ACTL8: variants seen among roughly 807,000 people sequenced by gnomAD.
The protein encoded by ACTL8 is actin-like protein 8.
Under a neutral mutation model 9.3 loss-of-function variants are expected in ACTL8, and 3 were observed. The observed-to-expected ratio is 0.32, with a 90% CI of 0.15 to 0.83. The LOEUF is 0.83. ACTL8 is among the 40% of genes least tolerant of loss of function. ACTL8 has a pLI of 0.57. For missense variants in ACTL8, 381 were observed against 492.2 expected, an observed-to-expected ratio of 0.77 and a Z score of 2.14; for synonymous variants, 224 against 205.9, an observed-to-expected ratio of 1.09 and a Z score of -0.75.
intron 1 of ACTL8, among the ~76,000 whole-genome samples, chr1:17,756,367 C>T (rs550780886): frequency 4.6e-4 from 70 of 151,778 alleles, no homozygotes; most frequent in African/African-American, 1.6e-3. Context: ...GAGCTTTGTC[C>T]AGCTCTGGTT....
At chr1:17,779,597 G>A (rs1005856930) in intron 1 of ACTL8, among the ~76,000 whole-genome samples, 1 of 152,190 alleles carries the variant, frequency 6.6e-6, no homozygotes, top group African/African-American at 2.4e-5. Context: ...AAAGCGCTAA[G>A]ATGAGCTGGG....
At chr1:17,765,661 G>A (rs1018089474) in intron 1 of ACTL8, among the ~76,000 whole-genome samples, 1 of 152,156 alleles carries the variant, frequency 6.6e-6, no homozygotes, top group Admixed American at 6.5e-5. Flanking sequence ...CTCCCTCGTA[G>A]CACGTCACCC....
rs78229624 is a variant in ACTL8, at chr1:17,774,415, A to G, written c.-25+18911A>G. On this transcript the variant is annotated intron_variant, in intron 1 of 2. Transcript: ENST00000375406. Reference sequence around the variant, plus strand: ...AATATCAGCCCCACGTGGAGCTTACAGTATGTCAGAATGGAATGGGGACAG... The same window carrying G: ...AATATCAGCCCCACGTGGAGCTTACGGTATGTCAGAATGGAATGGGGACAG... Among the ~76,000 whole-genome samples, 793 of 151,790 alleles carry G rather than the reference A, an allele frequency of 5.2e-3. 5 individuals are homozygous for G. Among genetic ancestry groups the G allele is most frequent in the Non-Finnish European group, 8.7e-3 (590 of 67,898 alleles).
intron 1 of ACTL8, among the ~76,000 whole-genome samples, chr1:17,792,930 G>T (rs114604375): frequency 7.2e-5 from 11 of 152,280 alleles, no homozygotes; most frequent in African/African-American, 2.6e-4. Context: ...CTCTCTCTCT[G>T]GGGTGTGGGA....
chr1:17,755,813 G>C (rs780335956), intron 1 of ACTL8, among the ~76,000 whole-genome samples: 2 of 151,890 alleles, frequency 1.3e-5, no homozygotes, highest in Non-Finnish European at 2.9e-5. Flanking sequence ...AGCCCCTTGT[G>C]GGGGCACCGC....
chr1:17,810,634 A>G (rs2066387607), intron 1 of ACTL8, among the ~76,000 whole-genome samples: 1 of 152,234 alleles, frequency 6.6e-6, no homozygotes, highest in African/African-American at 2.4e-5. Context: ...GATATGAGAC[A>G]GTTCCACCAC....
intron 1 of ACTL8, among the ~76,000 whole-genome samples, chr1:17,760,057 G>A (rs2065990969): frequency 6.6e-6 from 1 of 152,134 alleles, no homozygotes; most frequent in South Asian, 2.1e-4. Flanking sequence ...GTTTTCCTGT[G>A]GACATTTCCA....
At chr1:17,812,162 C>T (rs773930843) in intron 1 of ACTL8, among the ~76,000 whole-genome samples, 2 of 152,036 alleles carry the variant, frequency 1.3e-5, no homozygotes, top group Non-Finnish European at 2.9e-5. Context: ...CCAGCTCTAT[C>T]TTGATTATTA....
At chr1:17,805,769 T>C (rs900853248) in intron 1 of ACTL8, among the ~76,000 whole-genome samples, 1 of 152,242 alleles carries the variant, frequency 6.6e-6, no homozygotes, top group Non-Finnish European at 1.5e-5. Context: ...TGTTGTCTTG[T>C]TCATGGCTAT....
At chr1:17,824,406 C>T (rs754469350) in intron 2 of ACTL8, among the ~76,000 whole-genome samples, 109 of 152,162 alleles carry the variant, frequency 7.2e-4, no homozygotes, top group Non-Finnish European at 1.2e-3. Context: ...ACTTTCCAAA[C>T]ATGAAGACAA....
intron 1 of ACTL8, among the ~76,000 whole-genome samples, chr1:17,796,306 CTGTGTGTGTGTGTG>C (rs3063168): frequency 0.12 from 17,660 of 148,050 alleles, 1,721 homozygotes; most frequent in Admixed American, 0.23. Context: ...ATGCGTGCAC[CTGTGTGTGTGTGTG>C]TGTGTGTGTG....
At chr1:17,805,673 C>T (rs571264773) in intron 1 of ACTL8, among the ~76,000 whole-genome samples, 2 of 152,238 alleles carry the variant, frequency 1.3e-5, no homozygotes, top group South Asian at 2.1e-4. Flanking sequence ...CCACTGCGTC[C>T]GGCCAAAATA....
chr1:17,762,279 C>T (rs1345561401), intron 1 of ACTL8, among the ~76,000 whole-genome samples: 1 of 152,056 alleles, frequency 6.6e-6, no homozygotes, highest in Non-Finnish European at 1.5e-5. Flanking sequence ...GCAGCAAATT[C>T]GTGGCAGGTC....
intron 1 of ACTL8, among the ~76,000 whole-genome samples, chr1:17,761,602 G>T (rs541346337): frequency 6.6e-6 from 1 of 151,716 alleles, no homozygotes; most frequent in East Asian, 1.9e-4. Flanking sequence ...ACTGAGTCTC[G>T]CTGTTTCACC....
At chr1:17,755,931 A>G (rs1569983161) in intron 1 of ACTL8, among the ~76,000 whole-genome samples, 1 of 124,450 alleles carries the variant, frequency 8.0e-6, no homozygotes, top group East Asian at 2.4e-4. Context: ...TTGGGGCTCT[A>G]TTTCAGTCCT....
intron 1 of ACTL8, among the ~76,000 whole-genome samples, chr1:17,785,028 T>G (rs1379388617): frequency 6.6e-6 from 1 of 152,150 alleles, no homozygotes; most frequent in Non-Finnish European, 1.5e-5. Context: ...TCTAAAGCTG[T>G]CAGATCTCAT....
intron 1 of ACTL8, among the ~76,000 whole-genome samples, chr1:17,783,289 T>C (rs1012324457): frequency 6.6e-6 from 1 of 152,064 alleles, no homozygotes; most frequent in African/African-American, 2.4e-5. Flanking sequence ...GCTGTTCCCG[T>C]GATAGTGAAT....
chr1:17,814,633 T>C (rs2124186429), intron 1 of ACTL8, among the ~76,000 whole-genome samples: 1 of 152,110 alleles, frequency 6.6e-6, no homozygotes, highest in African/African-American at 2.4e-5. Context: ...CAAGACTCCA[T>C]ATCTACCAAC....
intron 1 of ACTL8, among the ~76,000 whole-genome samples, chr1:17,821,561 A>T (rs1420813798): frequency 6.6e-6 from 1 of 152,144 alleles, no homozygotes; most frequent in Non-Finnish European, 1.5e-5. Context: ...CAAAGAGCAA[A>T]TGACACTTTT....
Sources: allele counts gnomAD v4.1 joint callset (sites outside exome capture counted in the v4.1 genomes callset), GRCh38; gene constraint gnomAD v4.1.1; transcripts MANE v1.5; gene names NCBI Gene and HGNC (gene_info 2026-07-23, HGNC 2026-07-21).